Variants in KCNQ3 observed in about 807,000 individuals in gnomAD.
KCNQ3 encodes potassium voltage-gated channel subfamily Q member 3, also known as potassium voltage-gated channel subfamily KQT member 3.
A neutral mutation model predicts 92.5 loss-of-function variants in KCNQ3; 30 were observed. The ratio of observed to expected loss-of-function variants is 0.32; its 90% CI spans 0.24 to 0.44. The LOEUF (loss-of-function observed/expected upper bound fraction) is 0.44, where lower values mean the gene tolerates loss of function less well. KCNQ3 is among the 20% of genes least tolerant of loss of function. KCNQ3 has a pLI of 1.00. For missense variants in KCNQ3, 913 were observed against 1,140.3 expected (o/e 0.80, Z 2.87); for synonymous variants, 450 against 468.8 (o/e 0.96, Z 0.52).
Position 132,480,562 on chromosome 8 carries a change from T to G in KCNQ3, c.-30A>C. On this transcript the variant is annotated 5_prime_UTR_variant, in exon 1 of 15. Transcript: ENST00000388996. ...CTCGCCCCCGCCGGCCGCTTCGCCTTCTCCGCTGCTGCTCTGGGAAGAAGG... is the reference window on the plus strand; with the variant it reads ...CTCGCCCCCGCCGGCCGCTTCGCCTGCTCCGCTGCTGCTCTGGGAAGAAGG... 8.0e-7 allele frequency: 1 copy of G among 1,257,094 alleles called. No homozygotes were observed. The highest frequency in any genetic ancestry group is 1.0e-6 in the Non-Finnish European group (1 of 978,596). The allele number at this position is 1,257,094 out of a possible 1,614,324, so 77.9% of individuals were successfully genotyped here. A position where few individuals can be genotyped will look rare whatever the true frequency, so the allele number is the denominator to read the frequency against.
intron 7 of KCNQ3, 116 bp downstream of exon 7, chr8:132,172,482 C>A: frequency 1.1e-6 from 1 of 930,736 alleles, no homozygotes; most frequent in South Asian, 1.3e-5. Flanking sequence ...GGTCCTGTCC[C>A]AGTTCATGAG....
At chr8:132,368,628 G>A (rs1451158792) in intron 1 of KCNQ3, among the ~76,000 whole-genome samples, 1 of 151,772 alleles carries the variant, frequency 6.6e-6, no homozygotes, top group Non-Finnish European at 1.5e-5. Context: ...ACTCCAGCCT[G>A]AGAGACTGAA....
chr8:132,227,752 C>A (rs1374132953), intron 1 of KCNQ3, among the ~76,000 whole-genome samples: 1 of 152,168 alleles, frequency 6.6e-6, no homozygotes, highest in East Asian at 1.9e-4. Context: ...TCTGTTCTTG[C>A]ACTTCCAGTG....
chr8:132,204,089 C>A (rs1054561771), intron 1 of KCNQ3, among the ~76,000 whole-genome samples: 1 of 152,214 alleles, frequency 6.6e-6, no homozygotes, highest in African/African-American at 2.4e-5. Flanking sequence ...TTGTGTCTCA[C>A]ATCCTCATTT....
intron 1 of KCNQ3, among the ~76,000 whole-genome samples, chr8:132,429,401 G>A (rs939713018): frequency 2.6e-5 from 4 of 152,090 alleles, no homozygotes; most frequent in African/African-American, 7.2e-5. Context: ...CCATGGCCAC[G>A]GTCATCTAGC....
chr8:132,388,889 T>C (rs1194500093), intron 1 of KCNQ3, among the ~76,000 whole-genome samples: 1 of 152,208 alleles, frequency 6.6e-6, no homozygotes, highest in South Asian at 2.1e-4. Context: ...TCTGATTCCA[T>C]TCTATGATTT....
chr8:132,365,194 G>C (rs144098472), intron 1 of KCNQ3, among the ~76,000 whole-genome samples: 182 of 152,316 alleles, frequency 1.2e-3, no homozygotes, highest in African/African-American at 4.4e-3. Flanking sequence ...AAAAAATCAC[G>C]TTGAACAAAT....
At chr8:132,272,815 G>A (rs1310995034) in intron 1 of KCNQ3, among the ~76,000 whole-genome samples, 2 of 152,162 alleles carry the variant, frequency 1.3e-5, no homozygotes, top group Non-Finnish European at 2.9e-5. Flanking sequence ...ATTTGGGTGG[G>A]GAAACAGCCA....
intron 1 of KCNQ3, among the ~76,000 whole-genome samples, chr8:132,445,038 C>T (rs566777186): frequency 6.6e-6 from 1 of 152,288 alleles, no homozygotes; most frequent in African/African-American, 2.4e-5. Flanking sequence ...TTCCAGGTAA[C>T]ATGCTCTGCA....
intron 1 of KCNQ3, among the ~76,000 whole-genome samples, chr8:132,478,514 C>CA (rs1452002076): frequency 6.6e-6 from 1 of 152,144 alleles, no homozygotes; most frequent in Admixed American, 6.5e-5. Flanking sequence ...TTGCTAGAGA[C>CA]AGAGAGAGGA....
chr8:132,446,988 T>A (rs1244535150), intron 1 of KCNQ3, among the ~76,000 whole-genome samples: 1 of 152,218 alleles, frequency 6.6e-6, no homozygotes, highest in African/African-American at 2.4e-5. Flanking sequence ...CAGAGAGGAA[T>A]GTCCAATTCA....
At chr8:132,420,907 T>C (rs1587004070) in intron 1 of KCNQ3, among the ~76,000 whole-genome samples, 1 of 151,896 alleles carries the variant, frequency 6.6e-6, no homozygotes, top group South Asian at 2.1e-4. Context: ...ATAGTAGAGA[T>C]GTAGAGATGC....
chr8:132,185,135 A>C (rs1433079440), intron 2 of KCNQ3, among the ~76,000 whole-genome samples: 1 of 152,172 alleles, frequency 6.6e-6, no homozygotes, highest in Non-Finnish European at 1.5e-5. Context: ...GATGGTTTCC[A>C]GGGAGTTCCA....
intron 1 of KCNQ3, among the ~76,000 whole-genome samples, chr8:132,279,621 A>G (rs894286265): frequency 3.3e-5 from 5 of 152,108 alleles, no homozygotes; most frequent in Non-Finnish European, 7.4e-5. Context: ...AATGGTATAT[A>G]TTTTTTCTTA....
At chr8:132,299,002 CAG>C (rs1817133357) in intron 1 of KCNQ3, among the ~76,000 whole-genome samples, 1 of 151,998 alleles carries the variant, frequency 6.6e-6, no homozygotes, top group Non-Finnish European at 1.5e-5. Flanking sequence ...TCATATGACA[CAG>C]AGTTTAACAG....
intron 1 of KCNQ3, among the ~76,000 whole-genome samples, chr8:132,263,802 G>A (rs903374841): frequency 5.3e-5 from 8 of 152,230 alleles, no homozygotes; most frequent in East Asian, 1.9e-4. Flanking sequence ...ACTTCATCTT[G>A]GGCTCCCAGT....
chr8:132,478,426 T>C (rs1397439075), intron 1 of KCNQ3, among the ~76,000 whole-genome samples: 2 of 152,228 alleles, frequency 1.3e-5, no homozygotes, highest in African/African-American at 4.8e-5. Flanking sequence ...ATTGTATGAC[T>C]GTGTGCACTC....
chr8:132,330,314 T>C (rs1481629159), intron 1 of KCNQ3, among the ~76,000 whole-genome samples: 1 of 152,258 alleles, frequency 6.6e-6, no homozygotes, highest in Non-Finnish European at 1.5e-5. Context: ...TAAATTTCTG[T>C]TGCTTTCAGA....
At chr8:132,358,788 A>C (rs374427496) in intron 1 of KCNQ3, among the ~76,000 whole-genome samples, 6 of 152,262 alleles carry the variant, frequency 3.9e-5, no homozygotes, top group African/African-American at 1.4e-4. Flanking sequence ...ATTTGTGTGG[A>C]TGTACACTGT....
Sources: allele counts gnomAD v4.1 joint callset (sites outside exome capture counted in the v4.1 genomes callset), GRCh38; gene constraint gnomAD v4.1.1; transcripts MANE v1.5; gene names NCBI Gene and HGNC (gene_info 2026-07-23, HGNC 2026-07-21).